Variants in PCDHGA6 observed in about 807,000 individuals in gnomAD.
PCDHGA6 encodes the protein protocadherin gamma-A6.
In PCDHGA6, 41 loss-of-function variants were observed where a neutral mutation model predicts 60.6. The ratio of observed to expected loss-of-function variants is 0.68; its 90% CI spans 0.53 to 0.88. The LOEUF is 0.88. PCDHGA6 is among the 40% of genes least tolerant of loss of function. The probability of loss-of-function intolerance (pLI) is 0.00; values close to 1 mark genes in which losing one functional copy is unlikely to be tolerated. For synonymous variants in PCDHGA6, 594 were observed against 524.4 expected, an observed-to-expected ratio of 1.13 and a Z score of -1.81; for missense variants, 1,312 against 1,203.0, an observed-to-expected ratio of 1.09 and a Z score of -1.34.
At chr5:141,387,386 A>G (rs1451460616) in intron 1 of PCDHGA6, among the ~76,000 whole-genome samples, 14 of 152,232 alleles carry the variant, frequency 9.2e-5, no homozygotes, top group Non-Finnish European at 1.5e-5. Flanking sequence ...TTATATAGAT[A>G]GTGCATGTTT....
chr5:141,434,044 A>T (rs2097670450), intron 1 of PCDHGA6, among the ~76,000 whole-genome samples: 2 of 152,132 alleles, frequency 1.3e-5, no homozygotes, highest in South Asian at 4.1e-4. Flanking sequence ...TTTCTATTTT[A>T]TTCAATGGCC....
intron 1 of PCDHGA6, chr5:141,409,008 A>G (rs2095209237): frequency 6.2e-7 from 1 of 1,613,898 alleles, no homozygotes; most frequent in African/African-American, 1.3e-5. Context: ...GCCACTGACC[A>G]GGATGAGGGG....
chr5:141,447,709 T>C (rs896203283), intron 1 of PCDHGA6, among the ~76,000 whole-genome samples: 1 of 152,210 alleles, frequency 6.6e-6, no homozygotes, highest in East Asian at 1.9e-4. Context: ...TATAAGGATG[T>C]ACACATTTTC....
At position 141,392,616 on chromosome 5, in the gene PCDHGA6, G is replaced by A. The variant is rs912385052; in HGVS notation, c.2424+16109G>A. 8 of 535,918 alleles carry A rather than the reference G, an allele frequency of 1.5e-5. No individual in the cohort carries two copies. In the South Asian group the frequency reaches 2.7e-4, roughly 18 times the overall value. The allele number at this position is 535,918 out of a possible 1,614,324, so 33.2% of individuals were successfully genotyped here. ...CACCTACTGGAAGACAAATGCAACC[G>A]AAAACACTCAGATCTCACACCTCAC... On this transcript the variant is annotated intron_variant, in intron 1 of 3. Transcript: ENST00000517434.
At chr5:141,404,703 C>T (rs545479443) in intron 1 of PCDHGA6, 3 of 1,614,124 alleles carry the variant, frequency 1.9e-6, no homozygotes, top group African/African-American at 2.7e-5. Flanking sequence ...TCTGCAGAGC[C>T]TGGCTACCTG....
intron 1 of PCDHGA6, among the ~76,000 whole-genome samples, chr5:141,482,104 A>T (rs11748215): frequency 0.23 from 34,477 of 150,324 alleles, 4,798 homozygotes; most frequent in African/African-American, 0.39. Context: ...AAAAAAAAAA[A>T]ATATCTAGAG....
intron 1 of PCDHGA6, chr5:141,421,214 G>T (rs1469085534): frequency 5.1e-6 from 8 of 1,561,612 alleles, no homozygotes; most frequent in Non-Finnish European, 6.9e-6. Flanking sequence ...CGGAATATCG[G>T]CTTAGAGCCT....
intron 1 of PCDHGA6, chr5:141,421,983 T>G: frequency 6.2e-7 from 1 of 1,609,228 alleles, no homozygotes; most frequent in Non-Finnish European, 8.5e-7. Context: ...GCGTGAGTGT[T>G]CCAGAAAACA....
intron 1 of PCDHGA6, chr5:141,399,802 C>G: frequency 3.1e-6 from 5 of 1,613,252 alleles, no homozygotes; most frequent in Non-Finnish European, 3.4e-6. Flanking sequence ...ACCGCGGGTG[C>G]TGTACCCCGC....
intron 1 of PCDHGA6, chr5:141,395,544 G>GTTTGTT (rs70988801): frequency 1.5e-3 from 17 of 11,560 alleles, no homozygotes; most frequent in African/African-American, 4.5e-3. Flanking sequence ...GCTATTGTTT[G>GTTTGTT]TGTGTGTGTG....
intron 1 of PCDHGA6, among the ~76,000 whole-genome samples, chr5:141,460,307 C>A (rs1025049001): frequency 6.6e-6 from 1 of 152,102 alleles, no homozygotes; most frequent in African/African-American, 2.4e-5. Context: ...TATTCAAAAA[C>A]TCCTTGCCTA....
chr5:141,410,189 G>T, intron 1 of PCDHGA6: 1 of 1,613,992 alleles, frequency 6.2e-7, no homozygotes, highest in Non-Finnish European at 8.5e-7. Flanking sequence ...GCTTCATCTG[G>T]TCTTCGCAGA....
At position 141,421,233 on chromosome 5, in the gene PCDHGA6, G is replaced by A. The variant is rs201076931; in HGVS notation, c.2424+44726G>A. Reference sequence around the variant, plus strand: ...ATATCGGCTTAGAGCCTGCCATGGCGAATCGGCTACAGCGCGGGGACCGCA... The same window carrying A: ...ATATCGGCTTAGAGCCTGCCATGGCAAATCGGCTACAGCGCGGGGACCGCA... On this transcript the variant is annotated intron_variant, in intron 1 of 3. Coordinates refer to ENST00000517434, the MANE Select transcript of PCDHGA6 (RefSeq NM_018919.3). 1.4e-3 allele frequency: 2,185 copies of A among 1,592,236 alleles called. 58 individuals are homozygous for A. In the South Asian group the frequency reaches 0.024, roughly 17 times the overall value.
intron 1 of PCDHGA6, chr5:141,409,314 C>G: frequency 1.9e-6 from 3 of 1,613,878 alleles, no homozygotes; most frequent in Non-Finnish European, 2.5e-6. Flanking sequence ...CTCTTCAAAA[C>G]ACGGGATCTG....
chr5:141,413,366 C>T (rs1452603006), intron 1 of PCDHGA6: 2 of 1,613,958 alleles, frequency 1.2e-6, no homozygotes, highest in Middle Eastern at 1.7e-4. Flanking sequence ...CGGGAGCTGG[C>T]GGAGCGCGGA....
intron 1 of PCDHGA6, among the ~76,000 whole-genome samples, chr5:141,454,538 C>G (rs1229435473): frequency 6.6e-6 from 1 of 152,110 alleles, no homozygotes; most frequent in African/African-American, 2.4e-5. Context: ...TCCCAAGTAG[C>G]TGAGATTACA....
rs762152746 is a variant in PCDHGA6 at position 141,375,843 on chromosome 5, T to C, written c.1760T>C (p.Leu587Pro). 1 of 1,614,046 alleles carries C rather than the reference T, an allele frequency of 6.2e-7. No individual in the cohort carries two copies. Among genetic ancestry groups the C allele is most frequent in the Admixed American group, 1.7e-5 (1 of 60,026 alleles). ...LAPRSAEPGY[L>P]VTKVVAVDRD... ...CCCCGCTCCGCAGAGCCCGGCTACC[T>C]GGTGACCAAGGTGGTGGCGGTGGAC... The change falls in exon 1 of 4, where the codon CTG becomes CCG. Residue 587 changes from leucine (L) to proline (P), a missense_variant. Leu to Pro is a moderately conservative substitution (Grantham distance 98). Transcript: ENST00000517434.
Position 141,500,858 on chromosome 5 carries a change from A to G in PCDHGA6, c.2484-4535A>G, listed in dbSNP as rs1160743056. Among the ~76,000 whole-genome samples the G allele has an allele frequency of 3.3e-5, 5 of 150,740 alleles. No individual in the cohort carries two copies. The South Asian group carries it at 1.0e-3, about 32-fold the overall frequency. ...TAATGGGCTTTTGCTACATTAGAAA[A>G]CATACACATTCATTTACAATTTTTT... On this transcript the variant is annotated intron_variant, in intron 2 of 3. Coordinates refer to ENST00000517434, the MANE Select transcript of PCDHGA6 (RefSeq NM_018919.3).
chr5:141,438,074 T>C (rs963146682), intron 1 of PCDHGA6, among the ~76,000 whole-genome samples: 10 of 152,116 alleles, frequency 6.6e-5, no homozygotes, highest in African/African-American at 2.4e-4. Flanking sequence ...CCATACTTAA[T>C]GGAAAATTAC....
Sources: gnomAD v4.1 joint callset for allele counts (sites outside exome capture counted in the v4.1 genomes callset) on GRCh38, gnomAD v4.1.1 for gene constraint, MANE v1.5 for transcripts, NCBI Gene and HGNC (gene_info 2026-07-23, HGNC 2026-07-21) for gene names.